Variants in SIK3 observed in about 807,000 individuals in gnomAD.
SIK3 encodes serine/threonine-protein kinase SIK3.
In SIK3, 28 loss-of-function variants were observed where a neutral mutation model predicts 144.2. The ratio of observed to expected loss-of-function variants is 0.19; its 90% CI spans 0.14 to 0.27. The LOEUF (loss-of-function observed/expected upper bound fraction) is 0.27, where lower values mean the gene tolerates loss of function less well. Ranked by LOEUF, SIK3 falls within the 10% of genes least tolerant of loss-of-function variation. The pLI, the probability that SIK3 is intolerant of heterozygous loss-of-function variation, is 1.00. For missense variants in SIK3, 1,319 were observed against 1,776.0 expected (o/e 0.74, Z 4.62); for synonymous variants, 686 against 676.3 (o/e 1.01, Z -0.22).
At chr11:117,020,605 TAATC>T (rs1406408888) in intron 1 of SIK3, among the ~76,000 whole-genome samples, 3 of 152,110 alleles carry the variant, frequency 2.0e-5, no homozygotes, top group African/African-American at 4.8e-5. Context: ...GCCAATGACT[TAATC>T]AATCATGCTT....
At chr11:116,904,709 A>G (rs1945929666) in intron 4 of SIK3, 1 of 152,224 alleles carries the variant, frequency 6.6e-6, no homozygotes, top group African/African-American at 2.4e-5. Context: ...TTCTTATAAA[A>G]TGTTATTCTT....
At chr11:117,001,323 T>C (rs1255987071) in intron 1 of SIK3, among the ~76,000 whole-genome samples, 1 of 152,124 alleles carries the variant, frequency 6.6e-6, no homozygotes. Context: ...CTGACAAATA[T>C]GGTGAAACCC....
chr11:117,055,002 T>G (rs2135929487), intron 1 of SIK3, among the ~76,000 whole-genome samples: 1 of 152,298 alleles, frequency 6.6e-6, no homozygotes, highest in East Asian at 1.9e-4. Flanking sequence ...TGCTAAATAC[T>G]TTTACAAGAA....
rs145739080 is a variant in SIK3 at position 116,908,960 on chromosome 11, G to A, written c.617-11643C>T. Among the ~76,000 whole-genome samples the A allele has an allele frequency of 5.6e-3, 851 of 152,282 alleles. 8 individuals carry two copies. Among genetic ancestry groups the A allele is most frequent in the African/African-American group, 0.019 (789 of 41,552 alleles). ...CCAGGATAAATGTTTAGGAATGTTC[G>A]TTGCAGCTGTTAGTAAGTGCCCCAA... On this transcript the variant is annotated intron_variant, in intron 4 of 24. Transcript: ENST00000445177.
chr11:116,849,159 G>A lies in SIK3; in HGVS notation c.3780C>T (p.Leu1260=), dbSNP rs1255076276. The change falls in exon 22 of 25, where the codon CTC becomes CTT. Residue 1260 remains leucine (L), a synonymous_variant. Transcript: ENST00000445177. This position sits in a 1 kb window ranked among gnomAD's most constrained non-coding sequence, Gnocchi z 4.2. ...SVHEHHRPRA[L]QRHHTIQNSD... The stretch of plus-strand genomic sequence containing the variant: ...TGTTCTGGATCGTGTGGTGTCTCTG[G>A]AGGGCCCGGGGCCTGTGGTGCTCAT... The A allele has an allele frequency of 6.2e-7, 1 of 1,611,878 alleles. No homozygotes were observed. Among genetic ancestry groups the A allele is most frequent in the Non-Finnish European group, 8.5e-7 (1 of 1,178,370 alleles).
chr11:116,983,422 C>T (rs1423880179), intron 1 of SIK3, among the ~76,000 whole-genome samples: 2 of 151,320 alleles, frequency 1.3e-5, no homozygotes, highest in Admixed American at 1.3e-4. Context: ...CCCAGCTACT[C>T]GGGAAACTGA....
At chr11:116,896,892 T>C (rs781259895) in intron 5 of SIK3, among the ~76,000 whole-genome samples, 4 of 152,116 alleles carry the variant, frequency 2.6e-5, no homozygotes, top group Admixed American at 6.5e-5. Flanking sequence ...CCAAGTGTGG[T>C]GGCTTGTGCC....
chr11:116,981,074 T>A (rs979299817), intron 1 of SIK3, among the ~76,000 whole-genome samples: 2 of 152,230 alleles, frequency 1.3e-5, no homozygotes, highest in Non-Finnish European at 2.9e-5. Context: ...CACCGATGTT[T>A]AGTTACCTGT....
intron 4 of SIK3, among the ~76,000 whole-genome samples, chr11:116,917,228 T>C (rs927869343): frequency 2.0e-4 from 31 of 152,158 alleles, no homozygotes; most frequent in Non-Finnish European, 3.8e-4. Flanking sequence ...TTTGAGGAGC[T>C]TACGATCCTC....
In SIK3 at chr11:116,987,514, G is replaced by A. The variant is rs138972140; in HGVS notation, c.274-30450C>T. Among the ~76,000 whole-genome samples the A allele has an allele frequency of 1.4e-3, 213 of 152,202 alleles. 5 individuals carry two copies. In the East Asian group the frequency reaches 0.039, roughly 28 times the overall value. On this transcript the variant is annotated intron_variant, in intron 1 of 24. Coordinates refer to ENST00000445177, the MANE Select transcript of SIK3 (RefSeq NM_001366686.3). ...TGACATCAGTAAACAAGATCCTTGG[G>A]GCAGAGGTATGGAAAAGAATAAACA...
chr11:116,882,864 T>C (rs1489413584), intron 6 of SIK3, among the ~76,000 whole-genome samples: 1 of 152,226 alleles, frequency 6.6e-6, no homozygotes, highest in Non-Finnish European at 1.5e-5. Flanking sequence ...CAATTCTCAC[T>C]TCAAAGAGGG....
At chr11:117,070,496 G>A (rs1291705277) in intron 1 of SIK3, among the ~76,000 whole-genome samples, 3 of 151,522 alleles carry the variant, frequency 2.0e-5, no homozygotes, top group South Asian at 2.1e-4. Context: ...GCCCAGGCTG[G>A]AGTGCAATGG....
At chr11:116,926,266 G>C (rs531181676) in intron 4 of SIK3, among the ~76,000 whole-genome samples, 1 of 152,102 alleles carries the variant, frequency 6.6e-6, no homozygotes, top group Non-Finnish European at 1.5e-5. Context: ...AACATAAATG[G>C]CTTATTTTCA....
intron 1 of SIK3, among the ~76,000 whole-genome samples, chr11:117,003,176 AATG>A (rs1311576610): frequency 6.6e-6 from 1 of 152,010 alleles, no homozygotes; most frequent in Non-Finnish European, 1.5e-5. Flanking sequence ...TCTTGCAACG[AATG>A]ATAAGAAATT....
intron 1 of SIK3, among the ~76,000 whole-genome samples, chr11:116,977,130 G>A (rs529707926): frequency 4.6e-5 from 7 of 152,084 alleles, no homozygotes; most frequent in East Asian, 1.9e-4. Context: ...AAATATTTCC[G>A]GATCAGCAGA....
chr11:117,089,187 C>T (rs980008973), intron 1 of SIK3, among the ~76,000 whole-genome samples: 3 of 151,824 alleles, frequency 2.0e-5, no homozygotes, highest in Non-Finnish European at 2.9e-5. Flanking sequence ...GGGCAGATCA[C>T]GAGGTCAGGA....
chr11:116,947,569 A>ATGTATTT (rs374241141), intron 3 of SIK3, among the ~76,000 whole-genome samples: 4,540 of 109,308 alleles, frequency 0.042, 144 homozygotes, highest in Non-Finnish European at 0.059. Context: ...GTATGTATGT[A>ATGTATTT]TTTTTTTTTT....
intron 3 of SIK3, among the ~76,000 whole-genome samples, chr11:116,945,932 C>T (rs1948567387): frequency 6.6e-6 from 1 of 152,196 alleles, no homozygotes; most frequent in African/African-American, 2.4e-5. Context: ...CTTAATTCAT[C>T]TGATAACATA....
intron 1 of SIK3, among the ~76,000 whole-genome samples, chr11:117,086,449 T>C (rs542047203): frequency 7.9e-5 from 12 of 152,214 alleles, no homozygotes; most frequent in Admixed American, 2.0e-4. Context: ...CCCAGCACTC[T>C]GGGAGGCCGA....
Sources: allele counts gnomAD v4.1 joint callset (sites outside exome capture counted in the v4.1 genomes callset), GRCh38; gene constraint gnomAD v4.1.1; non-coding constraint Gnocchi (gnomAD v3.1); transcripts MANE v1.5; gene names NCBI Gene and HGNC (gene_info 2026-07-23, HGNC 2026-07-21).